Variants in NTN1 observed in about 807,000 individuals in gnomAD.
NTN1 encodes the protein netrin 1, also known as netrin-1.
NTN1 carries 11 observed loss-of-function variants against 54.2 expected under a neutral mutation model. The ratio of observed to expected loss-of-function variants is 0.20; its 90% CI spans 0.13 to 0.34. The LOEUF (loss-of-function observed/expected upper bound fraction) is 0.34. Ranked by LOEUF, NTN1 falls within the 10% of genes least tolerant of loss-of-function variation. The pLI is 1.00. For missense variants in NTN1, 740 were observed against 893.1 expected, an observed-to-expected ratio of 0.83 and a Z score of 2.18; for synonymous variants, 371 against 382.0, an observed-to-expected ratio of 0.97 and a Z score of 0.33.
chr17:9,034,727 T>C (rs2091898104), intron 2 of NTN1, among the ~76,000 whole-genome samples: 1 of 151,884 alleles, frequency 6.6e-6, no homozygotes, highest in African/African-American at 2.4e-5. Context: ...CTGGCCTTGT[T>C]ATTCTTAAGT....
intron 6 of NTN1, among the ~76,000 whole-genome samples, chr17:9,224,310 GCCCCTTAGGCCTTCCCTGCGCCCT>G (rs992961849): frequency 8.5e-5 from 13 of 152,162 alleles, no homozygotes; most frequent in African/African-American, 3.1e-4. Flanking sequence ...ACTCGAAGGA[GCCCCTTAGGCCTTCCCTGCGCCCT>G]GCCCTGTTGT....
chr17:9,233,466 C>T (rs574683877), intron 6 of NTN1, among the ~76,000 whole-genome samples: 6 of 152,090 alleles, frequency 3.9e-5, no homozygotes, highest in Non-Finnish European at 7.4e-5. Flanking sequence ...GAGGGGCATC[C>T]GTCAGTTCCC....
At chr17:9,003,407 C>T in the NTN1 span, among the ~76,000 whole-genome samples, 1 of 151,646 alleles carries the variant, frequency 6.6e-6, no homozygotes, top group Non-Finnish European at 1.5e-5. The surrounding 1 kb of genome is among the most constrained non-coding windows in gnomAD (Gnocchi z 7.4). Flanking sequence ...ACGCCAGAGC[C>T]CCAGCCCCGC....
chr17:9,036,269 G>T (rs2091903158), intron 2 of NTN1, among the ~76,000 whole-genome samples: 1 of 152,120 alleles, frequency 6.6e-6, no homozygotes, highest in Non-Finnish European at 1.5e-5. Flanking sequence ...GCACATGGAG[G>T]TTAGTTAAGG....
chr17:9,038,704 C>CA (rs1203233251), intron 2 of NTN1, among the ~76,000 whole-genome samples: 3 of 152,132 alleles, frequency 2.0e-5, no homozygotes, highest in African/African-American at 7.2e-5. Context: ...ACTGGGGTCT[C>CA]AGGGTTTCTC....
chr17:9,024,945 T>C (rs1273429502), intron 2 of NTN1, among the ~76,000 whole-genome samples: 1 of 152,224 alleles, frequency 6.6e-6, no homozygotes, highest in East Asian at 1.9e-4. Context: ...TGTTGGTTTT[T>C]CCCATCTCTT....
rs2091860012 is a variant in NTN1 at position 9,023,400 on chromosome 17, G to C, written c.1018+9G>C. On this transcript the variant is annotated intron_variant, in intron 2 of 6. Coordinates refer to ENST00000173229, the MANE Select transcript of NTN1 (RefSeq NM_004822.3). Reference sequence around the variant, plus strand: ...AGCCAACGAGTGCGTGGGTGAGTGGGGTGCGGCGGCGGAGCCGGCGGCGGG... The same window carrying C: ...AGCCAACGAGTGCGTGGGTGAGTGGCGTGCGGCGGCGGAGCCGGCGGCGGG... 1 of 1,361,950 alleles carries C rather than the reference G, an allele frequency of 7.3e-7. No individual in the cohort carries two copies. The highest frequency in any genetic ancestry group is 9.4e-7 in the Non-Finnish European group (1 of 1,063,604). 84.4% of individuals were successfully genotyped at this position (1,361,950 alleles called of 1,614,324 possible). A position where few individuals can be genotyped will look rare whatever the true frequency, so the allele number is the denominator to read the frequency against.
chr17:9,112,056 G>A (rs931117896), intron 2 of NTN1, among the ~76,000 whole-genome samples: 13 of 152,150 alleles, frequency 8.5e-5, no homozygotes, highest in Non-Finnish European at 1.6e-4. Flanking sequence ...AACAGATAAC[G>A]GGTGTTCAAG....
At chr17:9,108,511 G>C (rs553605046) in intron 2 of NTN1, among the ~76,000 whole-genome samples, 1 of 152,338 alleles carries the variant, frequency 6.6e-6, no homozygotes, top group South Asian at 2.1e-4. Context: ...CCATGGTACA[G>C]GTCATTGTAT....
At chr17:9,181,864 A>C (rs2092419754) in intron 4 of NTN1, among the ~76,000 whole-genome samples, 1 of 152,244 alleles carries the variant, frequency 6.6e-6, no homozygotes, top group Non-Finnish European at 1.5e-5. Flanking sequence ...CCTGAGCTTC[A>C]GTGCCAGGCT....
At chr17:9,065,688 C>A (rs982772316) in intron 2 of NTN1, among the ~76,000 whole-genome samples, 8 of 152,200 alleles carry the variant, frequency 5.3e-5, no homozygotes, top group African/African-American at 1.9e-4. Flanking sequence ...AGTAAAACGG[C>A]AGTGGATGAA....
chr17:9,197,658 C>CAA (rs112690206), intron 5 of NTN1, among the ~76,000 whole-genome samples: 1,205 of 79,858 alleles, frequency 0.015, 22 homozygotes, highest in African/African-American at 0.051. Context: ...AGACTCTGTC[C>CAA]AAAAAAAAAA....
chr17:9,225,492 C>T (rs557577613), intron 6 of NTN1, among the ~76,000 whole-genome samples: 5 of 152,216 alleles, frequency 3.3e-5, no homozygotes, highest in South Asian at 2.1e-4. Flanking sequence ...GCCAGGCCCA[C>T]GGGTTTCTCT....
rs1415424379 is a variant in NTN1, at chr17:9,165,403, C to T, written c.1207+2402C>T. Reference sequence around the variant, plus strand: ...CTCTGGCTGAATGGCATGATATTGCCCACCTTCCTTTACTGGTTTGTAGGA... The same window carrying T: ...CTCTGGCTGAATGGCATGATATTGCTCACCTTCCTTTACTGGTTTGTAGGA... On this transcript the variant is annotated intron_variant, in intron 3 of 6. Coordinates refer to ENST00000173229, the MANE Select transcript of NTN1 (RefSeq NM_004822.3). This position sits in a 1 kb window ranked among gnomAD's most constrained non-coding sequence, Gnocchi z 4.5. Among the ~76,000 whole-genome samples, 1 of 152,176 alleles carries T rather than the reference C, an allele frequency of 6.6e-6. No homozygotes were observed. The highest frequency in any genetic ancestry group is 1.5e-5 in the Non-Finnish European group (1 of 68,034).
At chr17:9,204,224 T>TCCTTCCTTTC (rs1361844821) in intron 5 of NTN1, among the ~76,000 whole-genome samples, 3 of 110,224 alleles carry the variant, frequency 2.7e-5, no homozygotes, top group Admixed American at 2.6e-4. Context: ...TCCTTCCTTT[T>TCCTTCCTTTC]CTTTCTCTTC....
intron 2 of NTN1, among the ~76,000 whole-genome samples, chr17:9,100,337 G>A (rs1004975586): frequency 1.3e-5 from 2 of 152,212 alleles, no homozygotes; most frequent in East Asian, 3.9e-4. Flanking sequence ...TCGCGCTGTT[G>A]CCCAGGCTGG....
intron 2 of NTN1, among the ~76,000 whole-genome samples, chr17:9,032,729 C>T (rs931481351): frequency 4.6e-5 from 7 of 152,100 alleles, no homozygotes; most frequent in Non-Finnish European, 1.0e-4. Context: ...TTGGACACGG[C>T]CCCCCCAGCC....
At chr17:9,090,534 A>G (rs2092106675) in intron 2 of NTN1, among the ~76,000 whole-genome samples, 1 of 152,122 alleles carries the variant, frequency 6.6e-6, no homozygotes, top group African/African-American at 2.4e-5. Context: ...TCACTAAGCA[A>G]GAAAGTCATG....
the NTN1 span, among the ~76,000 whole-genome samples, chr17:9,015,189 T>A: frequency 6.6e-6 from 1 of 152,096 alleles, no homozygotes; most frequent in East Asian, 1.9e-4. Flanking sequence ...GGCAGGTGGA[T>A]CACTTGAGGT....
Sources: gnomAD v4.1 joint callset for allele counts (sites outside exome capture counted in the v4.1 genomes callset) on GRCh38, gnomAD v4.1.1 for gene constraint, Gnocchi (gnomAD v3.1) non-coding constraint, MANE v1.5 for transcripts, NCBI Gene and HGNC (gene_info 2026-07-23, HGNC 2026-07-21) for gene names.